FGFR2: variants seen among roughly 807,000 people sequenced by gnomAD.
The protein encoded by FGFR2 is fibroblast growth factor receptor 2.
FGFR2 carries 19 observed loss-of-function variants against 95.9 expected under a neutral mutation model. That is an observed-to-expected ratio of 0.20 (90% CI 0.14 to 0.29). FGFR2 has a LOEUF of 0.29. Ranked by LOEUF, FGFR2 falls within the 10% of genes least tolerant of loss-of-function variation. FGFR2 has a pLI of 1.00. For missense variants in FGFR2, 707 were observed against 1,056.9 expected, an observed-to-expected ratio of 0.67 and a Z score of 4.59; for synonymous variants, 392 against 393.3, an observed-to-expected ratio of 1.00 and a Z score of 0.04.
chr10:121,548,994 T>G (rs943941353), intron 5 of FGFR2, among the ~76,000 whole-genome samples: 2 of 152,164 alleles, frequency 1.3e-5, no homozygotes, highest in Non-Finnish European at 2.9e-5. Context: ...TGCCTCCTGC[T>G]TCCACCACCA....
rs1861739946 is a variant in FGFR2, at chr10:121,585,833, A to G, written c.109+7876T>C. Among the ~76,000 whole-genome samples the G allele has an allele frequency of 2.0e-5, 3 of 152,228 alleles. No homozygotes were observed. In the South Asian group the frequency reaches 6.2e-4, roughly 31 times the overall value. ...ACGATATATATTCAGTTGTGCGTCT[A>G]TTGCAGCCAGGTAGAAATGCAACAT... On this transcript the variant is annotated intron_variant, in intron 2 of 17. Coordinates refer to ENST00000358487, the MANE Select transcript of FGFR2 (RefSeq NM_000141.5).
chr10:121,487,955 C>T (rs2133833053), intron 14 of FGFR2, 36 bp downstream of exon 14: 1 of 1,613,820 alleles, frequency 6.2e-7, no homozygotes, highest in Non-Finnish European at 8.5e-7. Flanking sequence ...AGCCTCACCC[C>T]CGCCCCTGCC....
At chr10:121,523,130 C>G (rs1850799534) in intron 6 of FGFR2, among the ~76,000 whole-genome samples, 1 of 152,204 alleles carries the variant, frequency 6.6e-6, no homozygotes, top group African/African-American at 2.4e-5. Context: ...ATTCCAGAAT[C>G]TCCCATCACT....
intron 12 of FGFR2, 45 bp from the exon 13 acceptor site, chr10:121,496,767 C>G (rs2133947117): frequency 6.4e-7 from 1 of 1,566,740 alleles, no homozygotes; most frequent in African/African-American, 1.4e-5. Flanking sequence ...AATCCAGGGT[C>G]TCCCCTTGGG....
At position 121,513,439 on chromosome 10, in the gene FGFR2, C is replaced by A. The variant is rs182351023; in HGVS notation, c.1287+1678G>T. Among the ~76,000 whole-genome samples, 286 of 152,168 alleles carry A rather than the reference C, an allele frequency of 1.9e-3. 2 individuals are homozygous for A. Among genetic ancestry groups the A allele is most frequent in the African/African-American group, 6.4e-3 (266 of 41,516 alleles). ...AGGGGGATTTTAAGGGCATCTTACC[C>A]TTCTATATTAAGTAAAAAGAAAAGC... On this transcript the variant is annotated intron_variant, in intron 9 of 17. Transcript: ENST00000358487.
intron 4 of FGFR2, 37 bp downstream of exon 4, chr10:121,564,465 C>G: frequency 6.3e-7 from 1 of 1,585,886 alleles, no homozygotes; most frequent in South Asian, 1.1e-5. Flanking sequence ...CTCCATGCTC[C>G]TCTCTCGGGG....
intron 6 of FGFR2, among the ~76,000 whole-genome samples, chr10:121,522,382 T>C (rs948695569): frequency 6.6e-6 from 1 of 151,950 alleles, no homozygotes; most frequent in South Asian, 2.1e-4. Flanking sequence ...CATAGCAAGA[T>C]CCCTATCTCT....
intron 5 of FGFR2, among the ~76,000 whole-genome samples, chr10:121,546,530 G>C (rs898980630): frequency 6.6e-6 from 1 of 152,208 alleles, no homozygotes; most frequent in African/African-American, 2.4e-5. Flanking sequence ...GGATGGCTCA[G>C]CATGGGTTCT....
rs1009708822 is a variant in FGFR2 at position 121,495,463 on chromosome 10, G to A, written c.1863+1069C>T. Among the ~76,000 whole-genome samples the A allele has an allele frequency of 3.9e-5, 6 of 152,172 alleles. 1 individual carries two copies. Among genetic ancestry groups the A allele is most frequent in the Admixed American group, 3.3e-4 (5 of 15,280 alleles). ...GGCTCACCTGAACCCAGGAGGTCAA[G>A]GCTGCAGTGAGCTGTGATTATGCCA... On this transcript the variant is annotated intron_variant, in intron 13 of 17. Coordinates refer to ENST00000358487, the MANE Select transcript of FGFR2 (RefSeq NM_000141.5).
At position 121,517,211 on chromosome 10, in the gene FGFR2, T is replaced by C. The variant is rs769466263; in HGVS notation, c.1084+108A>G. ...GATCATTTTTAACATTTTTTATATC[T>C]TTATGCAAGGATAAAAGGGGCCATT... is the stretch of plus-strand genomic sequence containing the variant. On this transcript the variant is annotated intron_variant, in intron 8 of 17. Transcript: ENST00000358487. This position sits in a 1 kb window ranked among gnomAD's most constrained non-coding sequence, Gnocchi z 4.7. The C allele has an allele frequency of 1.3e-5, 16 of 1,248,506 alleles. No homozygotes were observed. Among genetic ancestry groups the C allele is most frequent in the Non-Finnish European group, 1.8e-5 (15 of 855,800 alleles). The allele number at this position is 1,248,506 out of a possible 1,614,324, so 77.3% of individuals were successfully genotyped here. A position where few individuals can be genotyped will look rare whatever the true frequency, so the allele number is the denominator to read the frequency against.
chr10:121,545,451 T>G (rs1280760693), intron 5 of FGFR2, among the ~76,000 whole-genome samples: 1 of 152,196 alleles, frequency 6.6e-6, no homozygotes, highest in Non-Finnish European at 1.5e-5. Flanking sequence ...AATAACAGTG[T>G]CTGCCTCTTT....
At chr10:121,549,813 T>C (rs1038485234) in intron 5 of FGFR2, among the ~76,000 whole-genome samples, 1 of 152,132 alleles carries the variant, frequency 6.6e-6, no homozygotes, top group Non-Finnish European at 1.5e-5. Context: ...ACCCTTCCAA[T>C]GAGACCTCAG....
chr10:121,566,013 C>A (rs3135731), intron 2 of FGFR2: 1 of 472,946 alleles, frequency 2.1e-6, no homozygotes, highest in African/African-American at 1.9e-5. Context: ...ATTGCCAAAG[C>A]GTGCTTGCAC....
intron 17 of FGFR2, among the ~76,000 whole-genome samples, chr10:121,482,500 T>C (rs1844887494): frequency 6.6e-6 from 1 of 152,220 alleles, no homozygotes; most frequent in African/African-American, 2.4e-5. Context: ...CCTTCTAAAA[T>C]ACTTGGGGGA....
intron 13 of FGFR2, among the ~76,000 whole-genome samples, chr10:121,493,810 G>A (rs1342965822): frequency 1.3e-5 from 2 of 151,952 alleles, no homozygotes; most frequent in Admixed American, 1.3e-4. Flanking sequence ...CGCTCAAGAC[G>A]AGCTCGGATT....
chr10:121,498,903 T>C (rs746565814), intron 11 of FGFR2, among the ~76,000 whole-genome samples: 9 of 152,170 alleles, frequency 5.9e-5, no homozygotes, highest in Non-Finnish European at 1.3e-4. Context: ...TCTCATCCTC[T>C]GCCATATCTA....
At position 121,509,565 on chromosome 10, in the gene FGFR2, C is replaced by T. The variant is rs529277119; in HGVS notation, c.1287+5552G>A. 4.8e-5 allele frequency among the ~76,000 whole-genome samples: 7 copies of T among 145,518 alleles called. No homozygotes were observed. In the East Asian group the frequency reaches 1.4e-3, roughly 29 times the overall value. ...CAGGCACGATCTTGGCTCACTGCAA[C>T]CCCCGCCTACCGGGTTCAAGTGATT... On this transcript the variant is annotated intron_variant, in intron 9 of 17. Transcript: ENST00000358487.
intron 13 of FGFR2, among the ~76,000 whole-genome samples, chr10:121,490,686 T>C (rs1177630298): frequency 6.6e-6 from 1 of 152,164 alleles, no homozygotes; most frequent in Non-Finnish European, 1.5e-5. Flanking sequence ...GAAAGTCTTA[T>C]CAGTCCATTC....
In FGFR2 at chr10:121,479,499, T is replaced by C; in HGVS notation, c.*358A>G. ...CAGCACCTATATACTGCATTTGTGC[T>C]CTGTAAGTGTGTGCTGACATAAATC... On this transcript the variant is annotated 3_prime_UTR_variant, in exon 18 of 18. Transcript: ENST00000358487. The C allele has an allele frequency of 9.3e-7, 1 of 1,070,940 alleles. No individual in the cohort carries two copies. 66.3% of individuals were successfully genotyped at this position (1,070,940 alleles called of 1,614,324 possible). A position where few individuals can be genotyped will look rare whatever the true frequency, so the allele number is the denominator to read the frequency against.
Sources: gnomAD v4.1 joint callset for allele counts (sites outside exome capture counted in the v4.1 genomes callset) on GRCh38, gnomAD v4.1.1 for gene constraint, Gnocchi (gnomAD v3.1) non-coding constraint, MANE v1.5 for transcripts, NCBI Gene and HGNC (gene_info 2026-07-23, HGNC 2026-07-21) for gene names.